GARNL3: variants seen among roughly 807,000 people sequenced by gnomAD.
GARNL3 encodes GTPase-activating Rap/Ran-GAP domain-like protein 3.
In GARNL3, 63 loss-of-function variants were observed where a neutral mutation model predicts 125.0. That is an observed-to-expected ratio of 0.50 (90% CI 0.41 to 0.62). GARNL3 has a LOEUF of 0.62. Among genes scored for constraint, GARNL3 ranks in the 20% least tolerant of loss-of-function variants. The probability of loss-of-function intolerance (pLI) is 0.00; values close to 1 mark genes in which losing one functional copy is unlikely to be tolerated. For synonymous variants in GARNL3, 439 were observed against 457.5 expected, an observed-to-expected ratio of 0.96 and a Z score of 0.52; for missense variants, 994 against 1,244.0, an observed-to-expected ratio of 0.80 and a Z score of 3.02.
chr9:127,266,646 T>C lies in GARNL3; in HGVS notation c.144+1625T>C, dbSNP rs578096271. On this transcript the variant is annotated intron_variant, in intron 1 of 27. Transcript: ENST00000373387. This position sits in a 1 kb window ranked among gnomAD's most constrained non-coding sequence, Gnocchi z 4.0. ...ATGGGGATATTTCTGTTATCTACCTTAGAGGGTTGTTATGAGGATTAAATG... is the reference window on the plus strand; with the variant it reads ...ATGGGGATATTTCTGTTATCTACCTCAGAGGGTTGTTATGAGGATTAAATG... 2.0e-5 allele frequency among the ~76,000 whole-genome samples: 3 copies of C among 152,314 alleles called. No individual in the cohort carries two copies. Among genetic ancestry groups the C allele is most frequent in the Admixed American group, 6.5e-5 (1 of 15,306 alleles).
chr9:127,236,223 G>A (rs2063110133), intron 1 of GARNL3, among the ~76,000 whole-genome samples: 1 of 152,184 alleles, frequency 6.6e-6, no homozygotes, highest in Admixed American at 6.5e-5. Context: ...AGCTAGGATG[G>A]CTTACTGTAA....
intron 2 of GARNL3, among the ~76,000 whole-genome samples, chr9:127,247,858 A>G (rs1265589116): frequency 1.3e-5 from 2 of 152,196 alleles, no homozygotes; most frequent in African/African-American, 4.8e-5. Context: ...GTGCTAGCAA[A>G]TACTAGGTCT....
chr9:127,389,668 C>G (rs1832725943), intron 26 of GARNL3, among the ~76,000 whole-genome samples: 1 of 152,104 alleles, frequency 6.6e-6, no homozygotes, highest in African/African-American at 2.4e-5. Flanking sequence ...CCTGTTATCT[C>G]AGCATTTTGG....
chr9:127,325,167 T>G, intron 7 of GARNL3, 72 bp downstream of exon 7: 1 of 1,461,160 alleles, frequency 6.8e-7, no homozygotes, highest in Non-Finnish European at 9.6e-7. Context: ...CCTTTCACTG[T>G]GAACCCAGCC....
In GARNL3 at chr9:127,280,115, C is replaced by T. The variant is rs2064065838; in HGVS notation, c.145-11053C>T. 6.6e-6 allele frequency among the ~76,000 whole-genome samples: 1 copy of T among 152,140 alleles called. No homozygotes were observed. The highest frequency in any genetic ancestry group is 1.5e-5 in the Non-Finnish European group (1 of 68,030). On this transcript the variant is annotated intron_variant, in intron 1 of 27. Transcript: ENST00000373387. This position sits in a 1 kb window ranked among gnomAD's most constrained non-coding sequence, Gnocchi z 4.5. ...GTATTGAAGTAATGTTTGCTTAGCT[C>T]TTTACATAAGCCTGAGAAAATGCCA...
At chr9:127,269,332 C>T (rs989126594) in intron 1 of GARNL3, among the ~76,000 whole-genome samples, 28 of 152,320 alleles carry the variant, frequency 1.8e-4, no homozygotes, top group Admixed American at 1.4e-3. Flanking sequence ...TGAACACTTG[C>T]GTTGTTTCTA....
intron 2 of GARNL3, among the ~76,000 whole-genome samples, chr9:127,295,543 G>A (rs1485567932): frequency 6.6e-6 from 1 of 152,120 alleles, no homozygotes; most frequent in East Asian, 1.9e-4. Flanking sequence ...GACTCCACAG[G>A]TTTAAGGGCT....
chr9:127,350,965 A>G (rs1289004827), intron 17 of GARNL3, among the ~76,000 whole-genome samples: 1 of 152,136 alleles, frequency 6.6e-6, no homozygotes, highest in Non-Finnish European at 1.5e-5. Context: ...CACGTCTGGG[A>G]CTAGTACCCA....
At chr9:127,373,326 A>G (rs767637432) in intron 22 of GARNL3, among the ~76,000 whole-genome samples, 1 of 152,236 alleles carries the variant, frequency 6.6e-6, no homozygotes, top group Admixed American at 6.5e-5. Context: ...GGTGGCCTAC[A>G]TGAGCTCTGG....
intron 1 of GARNL3, 61 bp downstream of exon 1, chr9:127,265,082 A>G: frequency 7.0e-7 from 1 of 1,428,608 alleles, no homozygotes; most frequent in Non-Finnish European, 9.6e-7. Flanking sequence ...ACGATTGCCA[A>G]GCTCATCAGA....
intron 2 of GARNL3, among the ~76,000 whole-genome samples, chr9:127,248,175 G>A (rs190350494): frequency 4.2e-4 from 64 of 152,298 alleles, no homozygotes; most frequent in African/African-American, 1.5e-3. Context: ...TTCCCCTGCC[G>A]TTGTGTTTCC....
chr9:127,313,507 A>G lies in GARNL3; in HGVS notation c.386A>G (p.Asp129Gly). 1.2e-6 allele frequency: 2 copies of G among 1,614,116 alleles called. No individual in the cohort carries two copies. Among genetic ancestry groups the G allele is most frequent in the Non-Finnish European group, 1.7e-6 (2 of 1,179,976 alleles). Residue 129 changes from aspartate (D) to glycine (G), a missense_variant, in exon 4 of 28, where the codon GAC (aspartate) becomes GGC (glycine). Coordinates refer to ENST00000373387, the MANE Select transcript of GARNL3 (RefSeq NM_032293.5). ...TTCTTCTTGTCCGTGACCCTTTCTGACCAAAACAATCAACGTGTCCCTCAA... is the reference window on the plus strand; with the variant it reads ...TTCTTCTTGTCCGTGACCCTTTCTGGCCAAAACAATCAACGTGTCCCTCAA... ...SPFFLSVTLS[D>G]QNNQRVPQYR...
intron 2 of GARNL3, chr9:127,300,059 C>T (rs1040492182): frequency 2.0e-5 from 6 of 306,784 alleles, no homozygotes; most frequent in African/African-American, 1.3e-4. Flanking sequence ...AGATTAAGCT[C>T]AGGTCATTAA....
chr9:127,279,009 T>G (rs2064033431), intron 1 of GARNL3, among the ~76,000 whole-genome samples: 1 of 152,182 alleles, frequency 6.6e-6, no homozygotes, highest in African/African-American at 2.4e-5. Context: ...ACAAATTACA[T>G]CTGCAAAGAC....
chr9:127,246,648 A>G (rs896578060), intron 2 of GARNL3, among the ~76,000 whole-genome samples: 1 of 152,182 alleles, frequency 6.6e-6, no homozygotes. Flanking sequence ...TCTACTAAAA[A>G]TACAAAAAAT....
In GARNL3 at chr9:127,248,480, A is replaced by G. The variant is rs2063340561; in HGVS notation, c.143+5231A>G. On this transcript the variant is annotated intron_variant, in intron 2 of 10. Coordinates refer to the GARNL3 transcript ENST00000439286. ...GACTCTCCCACAGGAGGGTTGCCCCAGGGTGTAAACTTGTGGGAAGTAGTA... is the reference window on the plus strand; with the variant it reads ...GACTCTCCCACAGGAGGGTTGCCCCGGGGTGTAAACTTGTGGGAAGTAGTA... 4.6e-5 allele frequency among the ~76,000 whole-genome samples: 7 copies of G among 151,872 alleles called. No individual in the cohort carries two copies. The South Asian group carries it at 1.4e-3, about 31-fold the overall frequency.
At chr9:127,331,688 G>T (rs1305175573) in intron 7 of GARNL3, among the ~76,000 whole-genome samples, 3 of 117,418 alleles carry the variant, frequency 2.6e-5, no homozygotes, top group African/African-American at 9.3e-5. Flanking sequence ...TTGCACATTT[G>T]TACCAGCTAC....
intron 22 of GARNL3, among the ~76,000 whole-genome samples, chr9:127,379,380 C>T (rs533129554): frequency 3.3e-5 from 5 of 152,234 alleles, no homozygotes; most frequent in Admixed American, 1.3e-4. Flanking sequence ...AAAAACTGTG[C>T]CCCACTGAGA....
At chr9:127,245,623 A>T (rs188440634) in intron 2 of GARNL3, among the ~76,000 whole-genome samples, 7 of 152,308 alleles carry the variant, frequency 4.6e-5, no homozygotes, top group Admixed American at 4.6e-4. Flanking sequence ...CGTCTTTAAG[A>T]ACCACTACCA....
Sources: gnomAD v4.1 joint callset for allele counts (sites outside exome capture counted in the v4.1 genomes callset) on GRCh38, gnomAD v4.1.1 for gene constraint, Gnocchi (gnomAD v3.1) non-coding constraint, MANE v1.5 for transcripts, NCBI Gene and HGNC (gene_info 2026-07-23, HGNC 2026-07-21) for gene names.